PCCA: variants seen among roughly 807,000 people sequenced by gnomAD.
PCCA encodes the protein propionyl-CoA carboxylase subunit alpha, also known as propionyl-CoA carboxylase alpha chain, mitochondrial.
Under a neutral mutation model 101.3 loss-of-function variants are expected in PCCA, and 74 were observed. The observed-to-expected ratio is 0.73, with a 90% CI of 0.61 to 0.89. The LOEUF is 0.89. PCCA is among the 40% of genes least tolerant of loss of function. PCCA has a pLI of 0.00. For synonymous variants in PCCA, 294 were observed against 313.6 expected, an observed-to-expected ratio of 0.94 and a Z score of 0.66; for missense variants, 891 against 907.0, an observed-to-expected ratio of 0.98 and a Z score of 0.23.
rs940304292 is a variant in PCCA at position 100,137,813 on chromosome 13, T to TA, written c.301-17166_301-17165insA. Among the ~76,000 whole-genome samples the TA allele has an allele frequency of 4.6e-5, 7 of 151,704 alleles. No homozygotes were observed. In the East Asian group the frequency reaches 7.7e-4, roughly 17 times the overall value. On this transcript the variant is annotated intron_variant, in intron 4 of 23. Transcript: ENST00000376285. Reference sequence around the variant, plus strand: ...ATTTGTATGTTTAAGTCTTTTTTTTTTTTTTATTTTTTTCGAGACAGGGTC... The same window carrying TA: ...ATTTGTATGTTTAAGTCTTTTTTTTTATTTTTATTTTTTTCGAGACAGGGTC...
At chr13:100,378,105 C>T (rs756863323) in intron 19 of PCCA, among the ~76,000 whole-genome samples, 11 of 151,254 alleles carry the variant, frequency 7.3e-5, no homozygotes, top group African/African-American at 1.7e-4. Flanking sequence ...TCTTATAGGG[C>T]GGATATGGTG....
rs755553674 is a variant in PCCA at position 100,102,932 on chromosome 13, G to T, written c.155G>T (p.Gly52Val). ...RQCLMVSRNL[G>V]SVGYDPNEKT... is the part of the protein sequence containing the mutation. ...TGCTTAATGGTGTCCCGTAATCTTGGTTCAGTGGGATATGATCCTAATGAA... is the reference window on the plus strand; with the variant it reads ...TGCTTAATGGTGTCCCGTAATCTTGTTTCAGTGGGATATGATCCTAATGAA... Residue 52 changes from glycine (G) to valine (V), a missense_variant, in exon 2 of 24, where the codon GGT becomes GTT. Transcript: ENST00000376285. 5 of 1,608,652 alleles carry T rather than the reference G, an allele frequency of 3.1e-6. No homozygotes were observed. The East Asian group carries it at 1.1e-4, about 36-fold the overall frequency.
At chr13:100,107,065 C>G (rs1242741889) in intron 2 of PCCA, among the ~76,000 whole-genome samples, 1 of 152,216 alleles carries the variant, frequency 6.6e-6, no homozygotes, top group Non-Finnish European at 1.5e-5. Context: ...TTTATACCTA[C>G]TGTCCCAAGT....
chr13:100,171,653 C>T (rs536128039), intron 6 of PCCA, among the ~76,000 whole-genome samples: 1 of 152,364 alleles, frequency 6.6e-6, no homozygotes, highest in South Asian at 2.1e-4. Flanking sequence ...GTTCGGGAGG[C>T]TGAAGCCAGA....
chr13:100,452,669 G>A (rs2081418800), intron 21 of PCCA, among the ~76,000 whole-genome samples: 1 of 151,810 alleles, frequency 6.6e-6, no homozygotes, highest in Non-Finnish European at 1.5e-5. Flanking sequence ...TTCATTAGCA[G>A]TTACCACTGC....
At chr13:100,376,055 C>T (rs529700116) in intron 19 of PCCA, among the ~76,000 whole-genome samples, 20 of 152,284 alleles carry the variant, frequency 1.3e-4, no homozygotes, top group African/African-American at 4.6e-4. Flanking sequence ...GATGTTGATG[C>T]TGATGCTGTT....
At chr13:100,123,691 T>C (rs889421643) in intron 4 of PCCA, among the ~76,000 whole-genome samples, 2 of 151,626 alleles carry the variant, frequency 1.3e-5, no homozygotes, top group African/African-American at 4.8e-5. Flanking sequence ...CTGAGGAAAA[T>C]TGATGGGGAG....
intron 17 of PCCA, among the ~76,000 whole-genome samples, chr13:100,339,817 C>T (rs1474913768): frequency 6.6e-6 from 1 of 152,168 alleles, no homozygotes; most frequent in Admixed American, 6.5e-5. Flanking sequence ...TGGGAAAGGA[C>T]AGAGAGAAGC....
chr13:100,417,329 C>T (rs964500105), intron 19 of PCCA, among the ~76,000 whole-genome samples: 6 of 152,240 alleles, frequency 3.9e-5, no homozygotes, highest in Admixed American at 1.3e-4. Flanking sequence ...CTTTAAGTGA[C>T]GGTGGAATGG....
chr13:100,293,279 G>A (rs9300598), intron 12 of PCCA: 454,995 of 471,354 alleles, frequency 0.97, 221,051 homozygotes, highest in East Asian at 1. Flanking sequence ...TTGAAATTCT[G>A]TGAAGGCTAT....
At chr13:100,291,644 A>C (rs2065134024) in intron 12 of PCCA, among the ~76,000 whole-genome samples, 1 of 152,152 alleles carries the variant, frequency 6.6e-6, no homozygotes, top group South Asian at 2.1e-4. Context: ...TGCTTCTTGA[A>C]ATATTCTAAG....
At position 100,426,013 on chromosome 13, in the gene PCCA, GT is replaced by G. The variant is rs1193319755; in HGVS notation, c.1845+293del. On this transcript the variant is annotated intron_variant, in intron 20 of 23. Coordinates refer to ENST00000376285, the MANE Select transcript of PCCA (RefSeq NM_000282.4). ...CTTTTCTAAAAATGCTAGATTAGCT[GT>G]TTTTTTTTTTCCTCTGTGGGTTTTT... Among the ~76,000 whole-genome samples the G allele has an allele frequency of 5.4e-3, 796 of 146,178 alleles. 1 individual carries two copies. The highest frequency in any genetic ancestry group is 7.8e-3 in the African/African-American group (312 of 40,070).
At chr13:100,449,120 A>G in intron 20 of PCCA, 132 bp from the exon 21 acceptor site, 2 of 563,958 alleles carry the variant, frequency 3.5e-6, no homozygotes, top group South Asian at 2.7e-5. Context: ...ATAATATTCC[A>G]CTGTATGGCT....
intron 2 of PCCA, among the ~76,000 whole-genome samples, chr13:100,106,355 G>A (rs2047793007): frequency 1.3e-5 from 2 of 152,084 alleles, no homozygotes; most frequent in African/African-American, 4.8e-5. Flanking sequence ...CCACATTGGT[G>A]ACCACTGGTA....
chr13:100,110,886 C>T (rs1384902117), intron 2 of PCCA, among the ~76,000 whole-genome samples: 1 of 152,130 alleles, frequency 6.6e-6, no homozygotes, highest in African/African-American at 2.4e-5. Flanking sequence ...TAGCTCACTG[C>T]AACCTCCGCC....
intron 21 of PCCA, among the ~76,000 whole-genome samples, chr13:100,483,660 G>T (rs546361606): frequency 1.3e-5 from 2 of 152,184 alleles, no homozygotes; most frequent in African/African-American, 2.4e-5. Context: ...GAAATAAGGC[G>T]TATCAGTCTA....
intron 20 of PCCA, among the ~76,000 whole-genome samples, chr13:100,448,312 C>G (rs547547969): frequency 6.6e-6 from 1 of 152,190 alleles, no homozygotes; most frequent in East Asian, 1.9e-4. Flanking sequence ...TCTGCCTTGG[C>G]CTCCCGAGTA....
chr13:100,193,439 A>G (rs1018910571), intron 6 of PCCA, among the ~76,000 whole-genome samples: 10 of 152,264 alleles, frequency 6.6e-5, no homozygotes, highest in African/African-American at 2.2e-4. Context: ...AAGACTTTCT[A>G]ACTTTGTAAA....
chr13:100,298,672 C>G (rs189572358), intron 12 of PCCA, among the ~76,000 whole-genome samples: 48 of 3,104 alleles, frequency 0.015, 4 homozygotes, highest in African/African-American at 0.03. Context: ...CCCTCCCTCC[C>G]TCCTTCCTTC....
Sources: allele counts gnomAD v4.1 joint callset (sites outside exome capture counted in the v4.1 genomes callset), GRCh38; gene constraint gnomAD v4.1.1; transcripts MANE v1.5; gene names NCBI Gene and HGNC (gene_info 2026-07-23, HGNC 2026-07-21).